The following ACTR3C variants were observed in gnomAD, a reference collection of about 807,000 sequenced individuals.
The protein encoded by ACTR3C is actin related protein 3C, also known as actin-related protein 3C.
In ACTR3C, 18 loss-of-function variants were observed where a neutral mutation model predicts 26.3. The observed-to-expected ratio is 0.68, with a 90% CI of 0.47 to 1.01. The LOEUF is 1.01. Among genes scored for constraint, ACTR3C ranks in the 50% least tolerant of loss-of-function variants. The pLI, the probability that ACTR3C is intolerant of heterozygous loss-of-function variation, is 0.00. For synonymous variants in ACTR3C, 55 were observed against 94.5 expected, an observed-to-expected ratio of 0.58 and a Z score of 2.42; for missense variants, 184 against 250.7, an observed-to-expected ratio of 0.73 and a Z score of 1.80.
chr7:150,064,649 T>TACACACACACACACACACAC, the ACTR3C span, among the ~76,000 whole-genome samples: 1 of 145,138 alleles, frequency 6.9e-6, no homozygotes, highest in African/African-American at 2.6e-5. Context: ...TATTTTCACA[T>TACACACACACACACACACAC]ACACACACAC....
At chr7:150,121,683 A>G in the ACTR3C span, among the ~76,000 whole-genome samples, 1 of 150,006 alleles carries the variant, frequency 6.7e-6, no homozygotes, top group Admixed American at 6.6e-5. Flanking sequence ...ATTCAATGCC[A>G]TCCCCATCAA....
chr7:150,311,634 CACA>C (rs1483574137), intron 1 of ACTR3C, among the ~76,000 whole-genome samples: 5 of 152,218 alleles, frequency 3.3e-5, no homozygotes, highest in Middle Eastern at 3.2e-3. Flanking sequence ...CTCCCTAATA[CACA>C]TAGCATCTTC....
the ACTR3C span, among the ~76,000 whole-genome samples, chr7:150,149,579 G>A: frequency 5.4e-4 from 77 of 143,098 alleles, no homozygotes; most frequent in Non-Finnish European, 9.8e-4. Context: ...CCACCTATGA[G>A]TGAGAACATG....
At chr7:150,039,512 G>A in the ACTR3C span, among the ~76,000 whole-genome samples, 3 of 84,260 alleles carry the variant, frequency 3.6e-5, no homozygotes, top group East Asian at 1.2e-3. Flanking sequence ...CTCTCGTGGG[G>A]GGTGCCTCCC....
the ACTR3C span, among the ~76,000 whole-genome samples, chr7:150,011,528 T>C: frequency 6.6e-6 from 1 of 152,206 alleles, no homozygotes; most frequent in Admixed American, 6.5e-5. Flanking sequence ...GAGGTTGCAG[T>C]GAGCCAAGAT....
At chr7:150,192,890 C>A in the ACTR3C span, among the ~76,000 whole-genome samples, 1 of 152,188 alleles carries the variant, frequency 6.6e-6, no homozygotes, top group Non-Finnish European at 1.5e-5. Context: ...GTTCTAGAAT[C>A]ATGAAGTTTT....
intron 1 of ACTR3C, chr7:150,302,790 C>A (rs1367881148): frequency 2.6e-5 from 4 of 151,920 alleles, no homozygotes; most frequent in Non-Finnish European, 5.9e-5. Context: ...CACACAAACT[C>A]CTCATCTAAC....
At chr7:149,969,210 G>A in the ACTR3C span, among the ~76,000 whole-genome samples, 2 of 151,788 alleles carry the variant, frequency 1.3e-5, no homozygotes, top group Admixed American at 6.6e-5. Context: ...TCACAGTCTG[G>A]CCAACATTGG....
the ACTR3C span, among the ~76,000 whole-genome samples, chr7:150,159,011 AGCACACACACTCAG>A: frequency 6.0e-5 from 8 of 132,484 alleles, no homozygotes; most frequent in Admixed American, 3.1e-4. Context: ...ACGCACATTC[AGCACACACACTCAG>A]GCACACACAC....
the ACTR3C span, among the ~76,000 whole-genome samples, chr7:150,122,813 C>T: frequency 1.3e-5 from 2 of 151,638 alleles, no homozygotes; most frequent in Admixed American, 6.6e-5. Flanking sequence ...GCACTATTCA[C>T]AATAGCAAAG....
chr7:150,158,936 GAC>G, the ACTR3C span, among the ~76,000 whole-genome samples: 1,795 of 142,928 alleles, frequency 0.013, 17 homozygotes, highest in Middle Eastern at 0.041. Context: ...CATGTGCGCA[GAC>G]ACACGGGCAC....
At chr7:150,113,371 AG>A in the ACTR3C span, among the ~76,000 whole-genome samples, 1 of 152,118 alleles carries the variant, frequency 6.6e-6, no homozygotes, top group Non-Finnish European at 1.5e-5. Context: ...TTCCCTGGTG[AG>A]GGGGAATAAG....
At chr7:150,216,984 C>CAA in the ACTR3C span, among the ~76,000 whole-genome samples, 3,239 of 105,218 alleles carry the variant, frequency 0.031, 83 homozygotes, top group East Asian at 0.091. Context: ...GACTCGGTCT[C>CAA]AAAAAAAAAA....
the ACTR3C span, among the ~76,000 whole-genome samples, chr7:149,985,647 A>C: frequency 6.6e-6 from 1 of 152,304 alleles, no homozygotes; most frequent in African/African-American, 2.4e-5. Context: ...GTTTGATGGG[A>C]GAGACCTACT....
chr7:150,048,180 G>A, the ACTR3C span, among the ~76,000 whole-genome samples: 1 of 151,982 alleles, frequency 6.6e-6, no homozygotes, highest in East Asian at 1.9e-4. Context: ...CAAAGAGATT[G>A]AAGGAAGAAA....
At chr7:149,998,281 C>G in the ACTR3C span, among the ~76,000 whole-genome samples, 10 of 150,968 alleles carry the variant, frequency 6.6e-5, no homozygotes, top group Non-Finnish European at 1.0e-4. Flanking sequence ...TTCTTGGAGG[C>G]CCCTCTAATT....
chr7:149,955,564 C>A, the ACTR3C span, among the ~76,000 whole-genome samples: 5 of 152,060 alleles, frequency 3.3e-5, no homozygotes, highest in Admixed American at 2.6e-4. Flanking sequence ...GGAAAAGAGT[C>A]GTAAGGTGCA....
At chr7:150,093,327 A>C in the ACTR3C span, among the ~76,000 whole-genome samples, 1 of 151,388 alleles carries the variant, frequency 6.6e-6, no homozygotes, top group Admixed American at 6.6e-5. Flanking sequence ...AAGAACAACA[A>C]ACTTTGAAAA....
chr7:149,938,949 A>G, the ACTR3C span, among the ~76,000 whole-genome samples: 7 of 41,808 alleles, frequency 1.7e-4, no homozygotes, highest in Non-Finnish European at 3.3e-4. Flanking sequence ...ATATATGTAT[A>G]TATATAAAAA....
Sources: allele counts gnomAD v4.1 joint callset (sites outside exome capture counted in the v4.1 genomes callset), GRCh38; gene constraint gnomAD v4.1.1; transcripts MANE v1.5; gene names NCBI Gene and HGNC (gene_info 2026-07-23, HGNC 2026-07-21).